Variants in CBL observed in about 807,000 individuals in gnomAD.
CBL encodes the protein Cbl proto-oncogene, also known as E3 ubiquitin-protein ligase CBL.
CBL carries 45 observed loss-of-function variants against 96.9 expected under a neutral mutation model. That is an observed-to-expected ratio of 0.46 (90% CI 0.37 to 0.60). CBL has a LOEUF of 0.60. Ranked by LOEUF, CBL falls within the 20% of genes least tolerant of loss-of-function variation. The pLI, the probability that CBL is intolerant of heterozygous loss-of-function variation, is 0.00. For synonymous variants in CBL, 420 were observed against 426.8 expected, an observed-to-expected ratio of 0.98 and a Z score of 0.20; for missense variants, 1,024 against 1,143.5, an observed-to-expected ratio of 0.90 and a Z score of 1.51.
chr11:119,247,269 A>C (rs1366411823), intron 2 of CBL, among the ~76,000 whole-genome samples: 1 of 152,222 alleles, frequency 6.6e-6, no homozygotes, highest in East Asian at 1.9e-4. Flanking sequence ...ATCATGAAGC[A>C]GACAAGATAG....
chr11:119,232,725 T>C, intron 2 of CBL, 30 bp downstream of exon 2: 1 of 1,607,178 alleles, frequency 6.2e-7, no homozygotes, highest in East Asian at 2.2e-5. Flanking sequence ...CAAATAATTA[T>C]GCAGGTCTGT....
chr11:119,291,763 C>T (rs1040937547), intron 12 of CBL, among the ~76,000 whole-genome samples: 3 of 152,190 alleles, frequency 2.0e-5, no homozygotes, highest in African/African-American at 7.2e-5. Context: ...TCCTAGCTGC[C>T]TACAAAACGT....
chr11:119,266,619 G>A (rs1268094988), intron 2 of CBL, among the ~76,000 whole-genome samples: 1 of 151,834 alleles, frequency 6.6e-6, no homozygotes, highest in African/African-American at 2.4e-5. Flanking sequence ...AATGACACCA[G>A]TCTTGAATTA....
chr11:119,209,067 G>A (rs979243890), intron 1 of CBL, among the ~76,000 whole-genome samples: 4 of 152,098 alleles, frequency 2.6e-5, no homozygotes, highest in Admixed American at 2.6e-4. Flanking sequence ...TAGTTGCTCT[G>A]AAAACGTAGT....
At chr11:119,226,375 CTG>C (rs1000228108) in intron 1 of CBL, among the ~76,000 whole-genome samples, 3 of 152,100 alleles carry the variant, frequency 2.0e-5, no homozygotes, top group Non-Finnish European at 4.4e-5. Flanking sequence ...TTTTTGGAAA[CTG>C]TGCAATCCTT....
At position 119,236,595 on chromosome 11, in the gene CBL, GTATA is replaced by G. The variant is rs71048051; in HGVS notation, c.443+3925_443+3928del. Among the ~76,000 whole-genome samples, 1,087 of 137,676 alleles carry G rather than the reference GTATA, an allele frequency of 7.9e-3. 7 individuals carry two copies. Among genetic ancestry groups the G allele is most frequent in the East Asian group, 0.021 (97 of 4,716 alleles). 90.3% of individuals were successfully genotyped at this position (137,676 alleles called of 152,430 possible). On this transcript the variant is annotated intron_variant, in intron 2 of 15. Transcript: ENST00000264033. ...ACATATATGTTTTCACTTCTTTTGA[GTATA>G]TATATATATATATATATATATATAC...
rs780626894 is a variant in CBL, at chr11:119,305,018, A to G, written c.*5237A>G. 1 of 213,712 alleles carries G rather than the reference A, an allele frequency of 4.7e-6. No homozygotes were observed. Among genetic ancestry groups the G allele is most frequent in the Non-Finnish European group, 9.5e-6 (1 of 105,806 alleles). The allele number at this position is 213,712 out of a possible 1,614,324, so 13.2% of individuals were successfully genotyped here. A position where few individuals can be genotyped will look rare whatever the true frequency, so the allele number is the denominator to read the frequency against. Reference sequence around the variant, plus strand: ...GTTGGCCTTGCCAGGGAGAGCAGAGATGTGGCAGGCTCCTTCAGCTGGAGA... The same window carrying G: ...GTTGGCCTTGCCAGGGAGAGCAGAGGTGTGGCAGGCTCCTTCAGCTGGAGA... On this transcript the variant is annotated 3_prime_UTR_variant, in exon 16 of 16. Coordinates refer to ENST00000264033, the MANE Select transcript of CBL (RefSeq NM_005188.4).
chr11:119,254,425 TG>T lies in CBL; in HGVS notation c.444-17309del, dbSNP rs1466901678. Among the ~76,000 whole-genome samples, 4 of 152,270 alleles carry T rather than the reference TG, an allele frequency of 2.6e-5. No individual in the cohort carries two copies. In the East Asian group the frequency reaches 7.7e-4, roughly 29 times the overall value. Reference sequence around the variant, plus strand: ...TAGAGTGTACTTACAGAAACCTAGATGATACAGCCGCCCACACACCTAGGCT... The same window carrying T: ...TAGAGTGTACTTACAGAAACCTAGATATACAGCCGCCCACACACCTAGGCT... On this transcript the variant is annotated intron_variant, in intron 2 of 15. Coordinates refer to ENST00000264033, the MANE Select transcript of CBL (RefSeq NM_005188.4).
chr11:119,247,101 G>A (rs1296379099), intron 2 of CBL, among the ~76,000 whole-genome samples: 1 of 152,078 alleles, frequency 6.6e-6, no homozygotes, highest in African/African-American at 2.4e-5. Flanking sequence ...CAGGTGACAG[G>A]GCACTTCATT....
At position 119,271,819 on chromosome 11, in the gene CBL, A is replaced by T; in HGVS notation, c.528A>T (p.Gly176=). ...KGIFPSGLFQ[G]DTFRITKADA... is the part of the protein sequence containing the mutation. ...TCTTTCCAAGTGGACTCTTTCAGGG[A>T]GACACATTTCGGATTACTAAAGCAG... Residue 176 remains glycine (G), a synonymous_variant, in exon 3 of 16, where the codon GGA becomes GGT. Transcript: ENST00000264033. 1 of 1,614,066 alleles carries T rather than the reference A, an allele frequency of 6.2e-7. No homozygotes were observed. The highest frequency in any genetic ancestry group is 1.1e-5 in the South Asian group (1 of 91,086).
chr11:119,234,056 G>C (rs181154605), intron 2 of CBL, among the ~76,000 whole-genome samples: 1 of 152,248 alleles, frequency 6.6e-6, no homozygotes, highest in African/African-American at 2.4e-5. Context: ...ACCCAGGCTG[G>C]AGTGCAGTGG....
rs148606028 is a variant in CBL, at chr11:119,303,053, T to G, written c.*3272T>G. On this transcript the variant is annotated 3_prime_UTR_variant, in exon 16 of 16. Coordinates refer to ENST00000264033, the MANE Select transcript of CBL (RefSeq NM_005188.4). ...GTCACTGTTCATCACTCTTAAAATA[T>G]GTGTTTTCTCTATAGAAAAGTAAAA... The G allele has an allele frequency of 1.6e-4, 38 of 230,676 alleles. No individual in the cohort carries two copies. The highest frequency in any genetic ancestry group is 7.3e-4 in the African/African-American group (33 of 45,330). The allele number at this position is 230,676 out of a possible 1,614,324, so 14.3% of individuals were successfully genotyped here. A position where few individuals can be genotyped will look rare whatever the true frequency, so the allele number is the denominator to read the frequency against.
intron 2 of CBL, among the ~76,000 whole-genome samples, chr11:119,236,515 T>A (rs898315831): frequency 5.3e-5 from 8 of 151,668 alleles, no homozygotes; most frequent in Non-Finnish European, 1.0e-4. Flanking sequence ...TACTGAATAA[T>A]GTTGCTATGA....
At chr11:119,279,762 GTTAT>G (rs1354870426) in intron 9 of CBL, among the ~76,000 whole-genome samples, 1 of 152,190 alleles carries the variant, frequency 6.6e-6, no homozygotes, top group East Asian at 1.9e-4. Context: ...ACTAATCACT[GTTAT>G]TTCTGAGGAT....
intron 2 of CBL, among the ~76,000 whole-genome samples, chr11:119,262,009 A>AT (rs1246057165): frequency 6.6e-6 from 1 of 152,208 alleles, no homozygotes; most frequent in East Asian, 1.9e-4. Context: ...GGAGAAGTAA[A>AT]TATTTTTCAC....
At chr11:119,216,339 AATTTATTT>A (rs113078166) in intron 1 of CBL, among the ~76,000 whole-genome samples, 2,094 of 144,106 alleles carry the variant, frequency 0.015, 45 homozygotes, top group African/African-American at 0.043. Flanking sequence ...GACTTATTGT[AATTTATTT>A]ATTTATTTAT....
In CBL at chr11:119,305,699, C is replaced by T. The variant is rs188219556; in HGVS notation, c.*5918C>T. 155 of 225,142 alleles carry T rather than the reference C, an allele frequency of 6.9e-4. No homozygotes were observed. The highest frequency in any genetic ancestry group is 3.3e-3 in the African/African-American group (148 of 44,938). 13.9% of individuals were successfully genotyped at this position (225,142 alleles called of 1,614,324 possible). On this transcript the variant is annotated 3_prime_UTR_variant, in exon 16 of 16. Transcript: ENST00000264033. Reference sequence around the variant, plus strand: ...TACCGAGAGCTCTTTAGACAGTATACCTGTGTCTTCTCTGGCAATTGCTTT... The same window carrying T: ...TACCGAGAGCTCTTTAGACAGTATATCTGTGTCTTCTCTGGCAATTGCTTT...
rs398017760 is a variant in CBL at position 119,283,625 on chromosome 11, C to CTTTTTTTTTTTTTTTTT, written c.1432-1330_1432-1314dup. Among the ~76,000 whole-genome samples the CTTTTTTTTTTTTTTTTT allele has an allele frequency of 1.3e-3, 58 of 45,524 alleles. 8 individuals are homozygous for CTTTTTTTTTTTTTTTTT. Among genetic ancestry groups the CTTTTTTTTTTTTTTTTT allele is most frequent in the South Asian group, 1.4e-3 (1 of 700 alleles). 29.9% of individuals were successfully genotyped at this position (45,524 alleles called of 152,430 possible). ...AAATATTAATCCTTTTTAATTCTTT[C>CTTTTTTTTTTTTTTTTT]TTTTTTTTTTTTTTTTTTTTTTTTT... On this transcript the variant is annotated intron_variant, in intron 9 of 15. Coordinates refer to ENST00000264033, the MANE Select transcript of CBL (RefSeq NM_005188.4).
chr11:119,238,060 C>T (rs185337053), intron 2 of CBL, among the ~76,000 whole-genome samples: 144 of 151,034 alleles, frequency 9.5e-4, no homozygotes, highest in Middle Eastern at 3.4e-3. Context: ...TCACTAGAGA[C>T]GGGGTTTCAC....
Sources: allele counts gnomAD v4.1 joint callset (sites outside exome capture counted in the v4.1 genomes callset), GRCh38; gene constraint gnomAD v4.1.1; transcripts MANE v1.5; gene names NCBI Gene and HGNC (gene_info 2026-07-23, HGNC 2026-07-21).